The following SSC5D variants were observed in gnomAD, a reference collection of about 807,000 sequenced individuals.
The protein encoded by SSC5D is soluble scavenger receptor cysteine-rich domain-containing protein SSC5D.
SSC5D carries 106 observed loss-of-function variants against 104.6 expected under a neutral mutation model. That is an observed-to-expected ratio of 1.01 (90% CI 0.87 to 1.19). SSC5D has a LOEUF of 1.19. SSC5D is among the 50% of genes most tolerant of loss of function. The pLI, the probability that SSC5D is intolerant of heterozygous loss-of-function variation, is 0.00. For missense variants in SSC5D, 1,993 were observed against 2,153.8 expected, an observed-to-expected ratio of 0.93 and a Z score of 1.48; for synonymous variants, 860 against 883.5, an observed-to-expected ratio of 0.97 and a Z score of 0.47.
Position 55,493,902 on chromosome 19 carries a change from C to T in SSC5D, c.1203C>T (p.Ala401=), listed in dbSNP as rs762472011. ...GTCACCACCGCGAGGACGCCGGGGC[C>T]GTGTGTGACGGTGAGGGGGTTGTGG... The part of the protein sequence containing the change: ...HDCHHREDAG[A]VCDGMPLGYV... Residue 401 remains alanine, a synonymous_variant, in exon 7 of 14, where the codon GCC becomes GCT. Coordinates refer to ENST00000389623, the MANE Select transcript of SSC5D (RefSeq NM_001144950.2). 23 of 1,402,758 alleles carry T rather than the reference C, an allele frequency of 1.6e-5. No homozygotes were observed. The African/African-American group carries it at 1.9e-4, about 12-fold the overall frequency. 86.9% of individuals were successfully genotyped at this position (1,402,758 alleles called of 1,614,324 possible). A position where few individuals can be genotyped will look rare whatever the true frequency, so the allele number is the denominator to read the frequency against.
intron 13 of SSC5D, 105 bp downstream of exon 13, chr19:55,513,277 C>T: frequency 1.7e-6 from 2 of 1,182,092 alleles, no homozygotes; most frequent in Non-Finnish European, 2.3e-6. Flanking sequence ...AAAGACTCAG[C>T]AGAAATATAC....
chr19:55,513,256 C>G, intron 13 of SSC5D, 84 bp downstream of exon 13: 1 of 1,330,880 alleles, frequency 7.5e-7, no homozygotes, highest in African/African-American at 1.5e-5. Context: ...CCACTGGAAC[C>G]CTTACCCCAG....
chr19:55,513,406 T>C (rs1254986332), intron 13 of SSC5D, among the ~76,000 whole-genome samples: 1 of 151,920 alleles, frequency 6.6e-6, no homozygotes, highest in South Asian at 2.1e-4. Context: ...CTGGGCAACA[T>C]GGTGAGCCCC....
rs1987220058 is a variant in SSC5D, at chr19:55,493,733, T to C, written c.1034T>C (p.Leu345Pro). 6.6e-7 allele frequency: 1 copy of C among 1,522,144 alleles called. No homozygotes were observed. The highest frequency in any genetic ancestry group is 8.8e-7 in the Non-Finnish European group (1 of 1,137,100). 94.3% of individuals were successfully genotyped at this position (1,522,144 alleles called of 1,614,324 possible). Reference sequence around the variant, plus strand: ...GACGCCGCTGTGGCCTGCCGAGAGCTGGGCTGCGGAGGGGCGCTGGCCGCC... The same window carrying C: ...GACGCCGCTGTGGCCTGCCGAGAGCCGGGCTGCGGAGGGGCGCTGGCCGCC... ...LRDAAVACRE[L>P]GCGGALAAPG... The change falls in exon 7 of 14, where the codon CTG becomes CCG. Residue 345 changes from leucine to proline, a missense_variant. Leu to Pro is a moderately conservative substitution (Grantham distance 98). Coordinates refer to ENST00000389623, the MANE Select transcript of SSC5D (RefSeq NM_001144950.2).
intron 13 of SSC5D, among the ~76,000 whole-genome samples, chr19:55,516,496 C>CAA (rs1202935374): frequency 5.7e-5 from 7 of 122,086 alleles, no homozygotes; most frequent in African/African-American, 1.2e-4. Context: ...GACTCCATCT[C>CAA]AAAAAAAAAA....
At chr19:55,508,989 T>G (rs942848349) in intron 12 of SSC5D, among the ~76,000 whole-genome samples, 11 of 151,810 alleles carry the variant, frequency 7.2e-5, no homozygotes, top group African/African-American at 2.7e-4. Flanking sequence ...GGGCATGGCC[T>G]GTGGACTAAC....
In SSC5D at chr19:55,489,658, C is replaced by T. The variant is rs373181767; in HGVS notation, c.357C>T (p.Cys119=). 47 of 1,532,504 alleles carry T rather than the reference C, an allele frequency of 3.1e-5. No individual in the cohort carries two copies. The highest frequency in any genetic ancestry group is 8.2e-5 in the African/African-American group (6 of 72,932). The allele number at this position is 1,532,504 out of a possible 1,614,324, so 94.9% of individuals were successfully genotyped here. Residue 119 remains cysteine, a synonymous_variant, in exon 3 of 14, where the codon TGC becomes TGT. Coordinates refer to ENST00000389623, the MANE Select transcript of SSC5D (RefSeq NM_001144950.2). The part of the protein sequence containing the change: ...CSHEEDAGVV[C]AGQRVANSRD... ...ACGAGGAGGACGCGGGCGTCGTCTG[C>T]GCAGGTGAGGACACCCTGGCTGCTC...
Position 55,518,204 on chromosome 19 carries a change from A to T in SSC5D, c.3928A>T (p.Thr1310Ser), listed in dbSNP as rs1364107606. The T allele has an allele frequency of 1.5e-6, 2 of 1,339,290 alleles. No homozygotes were observed. The highest frequency in any genetic ancestry group is 2.8e-5 in the Admixed American group (1 of 36,034). 83.0% of individuals were successfully genotyped at this position (1,339,290 alleles called of 1,614,324 possible). Residue 1310 changes from threonine (T) to serine (S), a missense_variant, in exon 14 of 14, where the codon ACC (threonine) becomes TCC (serine). Physicochemically the swap from Thr to Ser is moderately conservative, Grantham distance 58 (BLOSUM62 1). This residue lies in a region of SSC5D where 349 missense variants were observed against 397.6 expected (regional missense o/e 0.88). Coordinates refer to ENST00000389623, the MANE Select transcript of SSC5D (RefSeq NM_001144950.2). ...HPTMTPDPTTTPYPTTTPDPT... is the reference protein window; with the variant it reads ...HPTMTPDPTTSPYPTTTPDPT... ...CACCATGACTCCTGACCCCACCACG[A>T]CCCCTTACCCCACCACTACTCCTGA...
At chr19:55,502,387 C>T (rs1987528013) in intron 12 of SSC5D, among the ~76,000 whole-genome samples, 1 of 151,684 alleles carries the variant, frequency 6.6e-6, no homozygotes, top group African/African-American at 2.4e-5. Flanking sequence ...GTTTCATATT[C>T]CCATCATTTC....
chr19:55,503,783 C>T lies in SSC5D; in HGVS notation c.2785+2582C>T, dbSNP rs1987572079. The stretch of plus-strand genomic sequence containing the variant: ...CTGAGAGGCCCAAGCCTCCCGCTCC[C>T]GCAGGAGAGTCTCGCCGCAAGCGTC... On this transcript the variant is annotated intron_variant, in intron 12 of 13. Transcript: ENST00000389623. This position sits in a 1 kb window ranked among gnomAD's most constrained non-coding sequence, Gnocchi z 4.0. Among the ~76,000 whole-genome samples the T allele has an allele frequency of 6.6e-6, 1 of 152,116 alleles. No homozygotes were observed. Among genetic ancestry groups the T allele is most frequent in the Non-Finnish European group, 1.5e-5 (1 of 68,020 alleles).
rs758651458 is a variant in SSC5D, at chr19:55,489,463, C to T, written c.162C>T (p.Ala54=). ...VCDDGWDLRD[A]AVACRQLGCG... Reference sequence around the variant, plus strand: ...ATGACGGCTGGGACCTGCGCGATGCCGCCGTGGCCTGCCGGCAGCTGGGCT... The same window carrying T: ...ATGACGGCTGGGACCTGCGCGATGCTGCCGTGGCCTGCCGGCAGCTGGGCT... The change falls in exon 3 of 14, where the codon GCC becomes GCT. Residue 54 remains alanine, a synonymous_variant. Coordinates refer to ENST00000389623, the MANE Select transcript of SSC5D (RefSeq NM_001144950.2). The T allele has an allele frequency of 3.5e-5, 52 of 1,475,236 alleles. No homozygotes were observed. In the South Asian group the frequency reaches 3.7e-4, roughly 10 times the overall value. The allele number at this position is 1,475,236 out of a possible 1,614,324, so 91.4% of individuals were successfully genotyped here.
chr19:55,494,656 C>T lies in SSC5D; in HGVS notation c.1260C>T (p.Asn420=). 6.5e-7 allele frequency: 1 copy of T among 1,549,642 alleles called. No homozygotes were observed. The part of the protein sequence containing the change: ...YVPPTAPTDS[N]NSTPREAASR... ...CTCCCACGGCCCCCACGGACAGCAA[C>T]AACTCCACGCCCAGGGAGGCTGCCT... Residue 420 remains asparagine (N), a synonymous_variant, in exon 8 of 14, where the codon AAC becomes AAT. Coordinates refer to ENST00000389623, the MANE Select transcript of SSC5D (RefSeq NM_001144950.2).
Position 55,518,989 on chromosome 19 carries a change from A to G in SSC5D, c.4713A>G (p.Gly1571=), listed in dbSNP as rs577089696. 3.2e-6 allele frequency: 5 copies of G among 1,550,312 alleles called. No homozygotes were observed. The Admixed American group carries it at 9.8e-5, about 30-fold the overall frequency. ...TPEEEERPLR[G]DV ...AGGAAGAAGAAAGACCCCTGAGGGG[A>G]GACGTGTGACCCTCTCCAGGATTTG... Residue 1571 remains glycine (G), a synonymous_variant, in exon 14 of 14, where the codon GGA becomes GGG. Coordinates refer to ENST00000389623, the MANE Select transcript of SSC5D (RefSeq NM_001144950.2).
Position 55,517,386 on chromosome 19 carries a change from C to A in SSC5D, c.3110C>A (p.Thr1037Lys), listed in dbSNP as rs1299604584. The change falls in exon 14 of 14, where the codon ACG becomes AAG. Residue 1037 changes from threonine (T) to lysine (K), a missense_variant. Physicochemically the swap from Thr to Lys is moderately conservative, Grantham distance 78 (BLOSUM62 -1). This residue lies in a region of SSC5D where 423 missense variants were observed against 409.2 expected (regional missense o/e 1.03). Transcript: ENST00000389623. ...GAGCTCACTCCCCACTCAGCCTTGA[C>A]GTCCGAGGCGACCTCTGACGCTCCG... ...SRELTPHSAL[T>K]SEATSDAPDT... The A allele has an allele frequency of 7.1e-6, 11 of 1,550,656 alleles. No individual in the cohort carries two copies. Among genetic ancestry groups the A allele is most frequent in the Non-Finnish European group, 9.6e-6 (11 of 1,146,944 alleles).
chr19:55,493,827 C>A lies in SSC5D; in HGVS notation c.1128C>A (p.Asn376Lys). ...IILDDLRCRG[N>K]ETALRFCPAR... ...TGGACGACCTTCGGTGTCGGGGAAA[C>A]GAGACGGCCTTACGATTCTGCCCAG... The change falls in exon 7 of 14, where the codon AAC becomes AAA. Residue 376 changes from asparagine to lysine, a missense_variant. Physicochemically the swap from Asn to Lys is moderately conservative, Grantham distance 94. Around this residue, in one of 6 missense-constraint regions of SSC5D, gnomAD observed 1,101 missense variants for 1,085.0 expected, o/e 1.01. Transcript: ENST00000389623. 1 of 1,549,444 alleles carries A rather than the reference C, an allele frequency of 6.5e-7. No individual in the cohort carries two copies. The highest frequency in any genetic ancestry group is 8.7e-7 in the Non-Finnish European group (1 of 1,146,626).
At chr19:55,513,355 G>A (rs1266823005) in intron 13 of SSC5D, among the ~76,000 whole-genome samples, 183 bp downstream of exon 13, 3 of 152,182 alleles carry the variant, frequency 2.0e-5, no homozygotes, top group Non-Finnish European at 2.9e-5. Flanking sequence ...TTGGGAGGCC[G>A]AGTTGGGAGG....
chr19:55,488,589 C>A lies in SSC5D; in HGVS notation c.-1C>A. 8 of 1,550,400 alleles carry A rather than the reference C, an allele frequency of 5.2e-6. No homozygotes were observed. Among genetic ancestry groups the A allele is most frequent in the East Asian group, 2.4e-5 (1 of 40,848 alleles). On this transcript the variant is annotated 5_prime_UTR_variant, in exon 1 of 14. Transcript: ENST00000389623. ...CCCCATCCCCTGCCCTGGCTGCAAC[C>A]ATGAGGGTCTTGGCCTGCCTCCTTG...
rs1032878228 is a variant in SSC5D at position 55,503,813 on chromosome 19, C to A, written c.2785+2612C>A. On this transcript the variant is annotated intron_variant, in intron 12 of 13. Transcript: ENST00000389623. The surrounding 1 kb of genome is among the most constrained non-coding windows in gnomAD (Gnocchi z 4.0). ...GAGAGTCTCGCCGCAAGCGTCCTTT[C>A]CCGCCTTTTTTTTTTCTGGCGCTCA... is the stretch of plus-strand genomic sequence containing the variant. Among the ~76,000 whole-genome samples, 20 of 125,698 alleles carry A rather than the reference C, an allele frequency of 1.6e-4. No homozygotes were observed. The highest frequency in any genetic ancestry group is 4.9e-4 in the African/African-American group (16 of 32,414). 82.5% of individuals were successfully genotyped at this position (125,698 alleles called of 152,430 possible). A position where few individuals can be genotyped will look rare whatever the true frequency, so the allele number is the denominator to read the frequency against.
intron 12 of SSC5D, chr19:55,504,342 GAC>G: frequency 5.0e-6 from 7 of 1,407,462 alleles, no homozygotes; most frequent in Non-Finnish European, 5.5e-6. Flanking sequence ...GAAATGAAAA[GAC>G]AGCCATGTGT....
Sources: gnomAD v4.1 joint callset for allele counts (sites outside exome capture counted in the v4.1 genomes callset) on GRCh38, gnomAD v4.1.1 for gene constraint, gnomAD v4.1.1 regional missense constraint, Gnocchi (gnomAD v3.1) non-coding constraint, MANE v1.5 for transcripts, NCBI Gene and HGNC (gene_info 2026-07-23, HGNC 2026-07-21) for gene names.